The following CDH8 variants were observed in gnomAD, a reference collection of about 807,000 sequenced individuals.
The protein encoded by CDH8 is cadherin 8.
A neutral mutation model predicts 68.1 loss-of-function variants in CDH8; 17 were observed. That is an observed-to-expected ratio of 0.25 (90% CI 0.17 to 0.37). The LOEUF is 0.37. CDH8 is among the 10% of genes least tolerant of loss of function. The pLI is 1.00. For synonymous variants in CDH8, 372 were observed against 365.1 expected (o/e 1.02, Z -0.21); for missense variants, 763 against 999.3 (o/e 0.76, Z 3.19).
intron 10 of CDH8, among the ~76,000 whole-genome samples, chr16:61,662,780 T>C (rs943800928): frequency 1.3e-5 from 2 of 151,924 alleles, no homozygotes; most frequent in African/African-American, 4.8e-5. Context: ...GTGTAAATAC[T>C]ATGCCATTTT....
intron 2 of CDH8, among the ~76,000 whole-genome samples, chr16:61,957,747 A>ATTT (rs1463076773): frequency 6.6e-6 from 1 of 151,968 alleles, no homozygotes; most frequent in Non-Finnish European, 1.5e-5. Context: ...TTTCAACGTG[A>ATTT]TTTTTTTCAT....
chr16:61,903,445 G>GC (rs1964013396), intron 2 of CDH8, among the ~76,000 whole-genome samples: 1 of 152,094 alleles, frequency 6.6e-6, no homozygotes, highest in Non-Finnish European at 1.5e-5. Flanking sequence ...TGCCTCAGCC[G>GC]CCCGAGTAGC....
intron 10 of CDH8, among the ~76,000 whole-genome samples, chr16:61,700,447 A>G (rs1305471767): frequency 1.3e-5 from 2 of 151,724 alleles, no homozygotes; most frequent in African/African-American, 4.8e-5. Flanking sequence ...CGCCCAGGTA[A>G]TTTTTGTATT....
chr16:61,739,275 T>C (rs1959792577), intron 8 of CDH8, among the ~76,000 whole-genome samples: 1 of 152,188 alleles, frequency 6.6e-6, no homozygotes, highest in Non-Finnish European at 1.5e-5. Flanking sequence ...GGAATTAATG[T>C]GTCGACATAT....
At chr16:62,016,723 G>C (rs193039662) in intron 2 of CDH8, among the ~76,000 whole-genome samples, 1 of 152,184 alleles carries the variant, frequency 6.6e-6, no homozygotes, top group Non-Finnish European at 1.5e-5. Flanking sequence ...CTGGAGGCAG[G>C]AATAGAGTCT....
At chr16:61,967,931 C>A (rs920802541) in intron 2 of CDH8, among the ~76,000 whole-genome samples, 1 of 152,188 alleles carries the variant, frequency 6.6e-6, no homozygotes, top group African/African-American at 2.4e-5. Context: ...GCCTCGGCCT[C>A]CCTAGTAGCT....
chr16:61,923,948 G>A (rs1439027169), intron 2 of CDH8, among the ~76,000 whole-genome samples: 1 of 150,230 alleles, frequency 6.7e-6, no homozygotes, highest in Non-Finnish European at 1.5e-5. Flanking sequence ...AGAATCATGG[G>A]TATCAGAATC....
intron 2 of CDH8, among the ~76,000 whole-genome samples, chr16:61,972,419 T>C (rs1011444347): frequency 7.9e-5 from 12 of 152,300 alleles, no homozygotes; most frequent in African/African-American, 2.9e-4. Context: ...TGGGGTAGTG[T>C]AATCATCTTG....
intron 2 of CDH8, among the ~76,000 whole-genome samples, chr16:61,965,730 A>G (rs556854136): frequency 1.2e-4 from 19 of 152,348 alleles, no homozygotes; most frequent in African/African-American, 4.6e-4. Context: ...ACATGCTGAT[A>G]AGGACAGGCC....
At chr16:61,938,655 A>C (rs764871833) in intron 2 of CDH8, among the ~76,000 whole-genome samples, 2 of 152,230 alleles carry the variant, frequency 1.3e-5, no homozygotes, top group Non-Finnish European at 2.9e-5. Flanking sequence ...TCTGGTTGTT[A>C]GTCATAGCTG....
intron 4 of CDH8, among the ~76,000 whole-genome samples, chr16:61,849,347 G>A (rs1962892865): frequency 6.6e-6 from 1 of 151,760 alleles, no homozygotes; most frequent in African/African-American, 2.4e-5. Flanking sequence ...ATTGGATGAA[G>A]AGTGCATTAG....
chr16:61,767,191 A>G (rs191705452), intron 8 of CDH8, among the ~76,000 whole-genome samples: 57 of 152,124 alleles, frequency 3.7e-4, no homozygotes, highest in African/African-American at 1.2e-3. Flanking sequence ...ATCACTCTAC[A>G]AAAGTGATGG....
Position 61,765,102 on chromosome 16 carries a change from A to C in CDH8, c.1414+24244T>G, listed in dbSNP as rs1244141680. Among the ~76,000 whole-genome samples the C allele has an allele frequency of 4.6e-5, 7 of 152,234 alleles. No homozygotes were observed. The East Asian group carries it at 1.4e-3, about 29-fold the overall frequency. On this transcript the variant is annotated intron_variant, in intron 8 of 11. Coordinates refer to ENST00000577390, the MANE Select transcript of CDH8 (RefSeq NM_001796.5). ...GAATTCTTCAAATAAAATTTTCAGT[A>C]GAACTACGACCCTTCTGACCTTTGC...
chr16:61,884,154 T>C lies in CDH8; in HGVS notation c.547+17025A>G, dbSNP rs187728499. ...AAGTTCCCACTTAGCTGCCTTGAGC[T>C]AGGTACAACTGACCTTTGAGCAACA... On this transcript the variant is annotated intron_variant, in intron 3 of 11. Transcript: ENST00000577390. Among the ~76,000 whole-genome samples, 521 of 152,242 alleles carry C rather than the reference T, an allele frequency of 3.4e-3. 1 individual carries two copies. Among genetic ancestry groups the C allele is most frequent in the Admixed American group, 6.1e-3 (93 of 15,290 alleles).
At chr16:61,987,814 G>A (rs765813562) in intron 2 of CDH8, among the ~76,000 whole-genome samples, 22 of 151,786 alleles carry the variant, frequency 1.4e-4, no homozygotes, top group Non-Finnish European at 2.5e-4. Context: ...ATTAATACTA[G>A]TACTAACAGC....
chr16:61,781,030 G>T (rs1961038042), intron 8 of CDH8, among the ~76,000 whole-genome samples: 1 of 152,178 alleles, frequency 6.6e-6, no homozygotes, highest in South Asian at 2.1e-4. Context: ...TGTTTGACAT[G>T]AATTCAGCTT....
chr16:61,712,011 A>G (rs1393946094), intron 10 of CDH8, among the ~76,000 whole-genome samples: 3 of 151,766 alleles, frequency 2.0e-5, no homozygotes, highest in East Asian at 1.9e-4. Flanking sequence ...AAGCAAAATA[A>G]TATGAAAAAC....
chr16:62,006,259 G>A (rs1423287473), intron 2 of CDH8, among the ~76,000 whole-genome samples: 2 of 152,178 alleles, frequency 1.3e-5, no homozygotes, highest in Non-Finnish European at 2.9e-5. Context: ...ACTTTTCCAT[G>A]AGAGCTTTGC....
chr16:61,838,721 T>C (rs1962620177), intron 4 of CDH8, among the ~76,000 whole-genome samples: 1 of 152,142 alleles, frequency 6.6e-6, no homozygotes, highest in Non-Finnish European at 1.5e-5. Context: ...AACCTATATA[T>C]GTGCATATAA....
Sources: gnomAD v4.1 joint callset for allele counts (sites outside exome capture counted in the v4.1 genomes callset) on GRCh38, gnomAD v4.1.1 for gene constraint, MANE v1.5 for transcripts, NCBI Gene and HGNC (gene_info 2026-07-23, HGNC 2026-07-21) for gene names.